The following CNTNAP3B variants were observed in gnomAD, a reference collection of about 807,000 sequenced individuals.
CNTNAP3B encodes contactin associated protein family member 3B.
In CNTNAP3B, 25 loss-of-function variants were observed where a neutral mutation model predicts 108.9. That is an observed-to-expected ratio of 0.23 (90% CI 0.17 to 0.32). The LOEUF (loss-of-function observed/expected upper bound fraction) is 0.32, where lower values mean the gene tolerates loss of function less well. Among genes scored for constraint, CNTNAP3B ranks in the 10% least tolerant of loss-of-function variants. The pLI, the probability that CNTNAP3B is intolerant of heterozygous loss-of-function variation, is 1.00. For synonymous variants in CNTNAP3B, 103 were observed against 473.4 expected (o/e 0.22, Z 10.16); for missense variants, 252 against 1,210.4 (o/e 0.21, Z 11.75).
intron 12 of CNTNAP3B, among the ~76,000 whole-genome samples, chr9:41,954,700 T>C (rs1824802019): frequency 1.3e-5 from 2 of 152,274 alleles, no homozygotes; most frequent in African/African-American, 4.8e-5. Context: ...TATTTATTTT[T>C]GAGATAAGAG....
At chr9:41,940,595 G>A (rs1320716800) in intron 13 of CNTNAP3B, among the ~76,000 whole-genome samples, 1 of 152,270 alleles carries the variant, frequency 6.6e-6, no homozygotes, top group Non-Finnish European at 1.5e-5. Flanking sequence ...CGAGGTGGGC[G>A]GATCACGAGG....
intron 3 of CNTNAP3B, among the ~76,000 whole-genome samples, chr9:42,029,549 C>G (rs1437271285): frequency 1.0e-5 from 1 of 95,570 alleles, no homozygotes. Flanking sequence ...TTTTTTTTTT[C>G]AGATGGAGTC....
chr9:41,941,948 G>A, intron 13 of CNTNAP3B, among the ~76,000 whole-genome samples: 1 of 152,192 alleles, frequency 6.6e-6, no homozygotes, highest in Non-Finnish European at 1.5e-5. Context: ...GAGGGAAGGA[G>A]AAAACATTTT....
chr9:41,937,097 C>CGTTATTT (rs1363772273), intron 14 of CNTNAP3B, among the ~76,000 whole-genome samples: 21,364 of 106,926 alleles, frequency 0.2, 417 homozygotes, highest in Middle Eastern at 0.28. Context: ...ATGACCATTA[C>CGTTATTT]ATTTTTTATT....
intron 2 of CNTNAP3B, among the ~76,000 whole-genome samples, chr9:42,101,729 A>G: frequency 8.9e-6 from 1 of 112,758 alleles, no homozygotes; most frequent in South Asian, 3.0e-4. Context: ...GCTTCAAGTG[A>G]TGCAATGTGA....
chr9:41,959,762 C>G (rs1450610371), intron 12 of CNTNAP3B, among the ~76,000 whole-genome samples: 1 of 152,312 alleles, frequency 6.6e-6, no homozygotes, highest in East Asian at 1.9e-4. Context: ...CATGTAATTT[C>G]AGTTATTTGT....
At chr9:42,042,892 G>T (rs965585963) in intron 3 of CNTNAP3B, among the ~76,000 whole-genome samples, 1 of 142,242 alleles carries the variant, frequency 7.0e-6, no homozygotes, top group African/African-American at 2.7e-5. Flanking sequence ...CTAGGCCACA[G>T]AAACTAATTT....
chr9:41,951,984 G>A lies in CNTNAP3B; in HGVS notation c.2080+1199C>T, dbSNP rs547877726. The stretch of plus-strand genomic sequence containing the variant: ...CTCAGCTATTCAGGAGGCTGAGGCA[G>A]GAGAATCGCTTGAATCCGGGAGGGG... On this transcript the variant is annotated intron_variant, in intron 13 of 23. Coordinates refer to ENST00000377561, the MANE Select transcript of CNTNAP3B (RefSeq NM_001201380.3). Among the ~76,000 whole-genome samples, 249 of 152,280 alleles carry A rather than the reference G, an allele frequency of 1.6e-3. 2 individuals are homozygous for A. Among genetic ancestry groups the A allele is most frequent in the Admixed American group, 4.0e-3 (61 of 15,288 alleles).
At chr9:41,995,730 CAAAAA>C (rs1167589988) in intron 7 of CNTNAP3B, among the ~76,000 whole-genome samples, 187 of 66,030 alleles carry the variant, frequency 2.8e-3, no homozygotes, top group African/African-American at 0.013. Flanking sequence ...GACTCCGTCT[CAAAAA>C]AAAAAAAAAA....
chr9:42,072,347 A>AC (rs1459414529), intron 3 of CNTNAP3B, among the ~76,000 whole-genome samples: 2 of 101,206 alleles, frequency 2.0e-5, no homozygotes, highest in African/African-American at 4.5e-5. Flanking sequence ...TACTACTACT[A>AC]TATATATATA....
rs944363854 is a variant in CNTNAP3B at position 42,095,927 on chromosome 9, C to T, written c.196+8702G>A. 7.2e-5 allele frequency among the ~76,000 whole-genome samples: 10 copies of T among 138,734 alleles called. 3 individuals carry two copies. Among genetic ancestry groups the T allele is most frequent in the East Asian group, 6.6e-4 (3 of 4,558 alleles). 91.0% of individuals were successfully genotyped at this position (138,734 alleles called of 152,430 possible). On this transcript the variant is annotated intron_variant, in intron 2 of 23. Coordinates refer to ENST00000377561, the MANE Select transcript of CNTNAP3B (RefSeq NM_001201380.3). Reference sequence around the variant, plus strand: ...GTCCTCAGGGATGGCGACCTGCTGCCGACGGAGCCAAGTCCTCCCATCCCA... The same window carrying T: ...GTCCTCAGGGATGGCGACCTGCTGCTGACGGAGCCAAGTCCTCCCATCCCA...
Position 42,115,604 on chromosome 9 carries a change from T to G in CNTNAP3B, c.86-10865A>C, listed in dbSNP as rs955364596. Reference sequence around the variant, plus strand: ...GCTGGTGATACCCAGGCAAACAGGGTCTGGACTGGACCTCCAGCAAACTCC... The same window carrying G: ...GCTGGTGATACCCAGGCAAACAGGGGCTGGACTGGACCTCCAGCAAACTCC... On this transcript the variant is annotated intron_variant, in intron 1 of 23. Transcript: ENST00000377561. 6.2e-4 allele frequency among the ~76,000 whole-genome samples: 79 copies of G among 127,248 alleles called. 12 individuals carry two copies. Among genetic ancestry groups the G allele is most frequent in the African/African-American group, 2.5e-3 (79 of 31,102 alleles). The allele number at this position is 127,248 out of a possible 152,430, so 83.5% of individuals were successfully genotyped here. A position where few individuals can be genotyped will look rare whatever the true frequency, so the allele number is the denominator to read the frequency against.
intron 10 of CNTNAP3B, among the ~76,000 whole-genome samples, chr9:41,969,523 C>A (rs1350230185): frequency 6.7e-6 from 1 of 148,406 alleles, no homozygotes; most frequent in South Asian, 2.1e-4. Context: ...ATTAGCTGAG[C>A]AACTCGGGAT....
chr9:41,956,245 G>A (rs1235784105), intron 12 of CNTNAP3B, among the ~76,000 whole-genome samples: 2 of 151,802 alleles, frequency 1.3e-5, no homozygotes, highest in Non-Finnish European at 2.9e-5. Context: ...AATTAGCCGG[G>A]CGTGGTGGCA....
chr9:41,958,176 T>C (rs1463413952), intron 12 of CNTNAP3B, among the ~76,000 whole-genome samples: 96 of 151,890 alleles, frequency 6.3e-4, no homozygotes, highest in South Asian at 2.1e-4. Context: ...GGTGTGACCA[T>C]GGCTCACTGC....
At chr9:42,064,850 A>G (rs1473424253) in intron 3 of CNTNAP3B, among the ~76,000 whole-genome samples, 5 of 146,912 alleles carry the variant, frequency 3.4e-5, no homozygotes, top group African/African-American at 1.0e-4. Flanking sequence ...TCTTTATTCA[A>G]TCCACTACTG....
At chr9:41,960,376 A>C (rs1451870788) in intron 12 of CNTNAP3B, 1 of 168,904 alleles carries the variant, frequency 5.9e-6, no homozygotes, top group East Asian at 1.8e-4. Context: ...ATATGACATA[A>C]AAATCACTAA....
In CNTNAP3B at chr9:42,003,076, T is replaced by TG. The variant is rs1299339359; in HGVS notation, c.539-4473dup. ...TAATTTTTTACTTTTTTTCTAGAGA[T>TG]GGGGGTCTCACTATGATGCCAAGGC... On this transcript the variant is annotated intron_variant, in intron 4 of 23. Coordinates refer to ENST00000377561, the MANE Select transcript of CNTNAP3B (RefSeq NM_001201380.3). 3.1e-4 allele frequency among the ~76,000 whole-genome samples: 41 copies of TG among 133,850 alleles called. 3 individuals are homozygous for TG. The highest frequency in any genetic ancestry group is 4.5e-4 in the East Asian group (2 of 4,486). 87.8% of individuals were successfully genotyped at this position (133,850 alleles called of 152,430 possible).
At position 42,104,295 on chromosome 9, in the gene CNTNAP3B, TAA is replaced by T. The variant is rs796417834; in HGVS notation, c.196+332_196+333del. 5.6e-4 allele frequency among the ~76,000 whole-genome samples: 28 copies of T among 49,932 alleles called. 3 individuals carry two copies. Among genetic ancestry groups the T allele is most frequent in the Admixed American group, 3.8e-3 (14 of 3,724 alleles). 32.8% of individuals were successfully genotyped at this position (49,932 alleles called of 152,430 possible). A position where few individuals can be genotyped will look rare whatever the true frequency, so the allele number is the denominator to read the frequency against. On this transcript the variant is annotated intron_variant, in intron 2 of 23. Coordinates refer to ENST00000377561, the MANE Select transcript of CNTNAP3B (RefSeq NM_001201380.3). ...TGTGGCAGAACAAAAGAATCCAAGG[TAA>T]AAAAAAAAAGGACATGGCAGAATCT...
Sources: allele counts gnomAD v4.1 joint callset (sites outside exome capture counted in the v4.1 genomes callset), GRCh38; gene constraint gnomAD v4.1.1; transcripts MANE v1.5; gene names NCBI Gene and HGNC (gene_info 2026-07-23, HGNC 2026-07-21).